PATL2: variants seen among roughly 807,000 people sequenced by gnomAD.
PATL2 encodes the protein PAT1 homolog 2.
Under a neutral mutation model 77.0 loss-of-function variants are expected in PATL2, and 73 were observed. The observed-to-expected ratio is 0.95, with a 90% confidence interval of 0.78 to 1.15. PATL2 has a LOEUF of 1.15. PATL2 is among the 50% of genes most tolerant of loss of function. The pLI is 0.00. For missense variants in PATL2, 618 were observed against 655.4 expected, an observed-to-expected ratio of 0.94 and a Z score of 0.62; for synonymous variants, 265 against 257.1, an observed-to-expected ratio of 1.03 and a Z score of -0.29.
intron 3 of PATL2, among the ~76,000 whole-genome samples, chr15:44,696,802 A>G (rs2141255731): frequency 6.6e-6 from 1 of 152,294 alleles, no homozygotes; most frequent in East Asian, 1.9e-4. Flanking sequence ...AAATCTGAAA[A>G]GTCAGTCAGG....
intron 8 of PATL2, 68 bp downstream of exon 8, chr15:44,672,320 C>G (rs2085728300): frequency 6.5e-7 from 1 of 1,527,920 alleles, no homozygotes; most frequent in Admixed American, 2.0e-5. Flanking sequence ...AGGGAGACAA[C>G]TGGTCACAAG....
chr15:44,698,718 C>A lies in PATL2; in HGVS notation c.-76+11378G>T, dbSNP rs539185392. Among the ~76,000 whole-genome samples the A allele has an allele frequency of 1.3e-5, 2 of 152,332 alleles. 1 individual carries two copies. The highest frequency in any genetic ancestry group is 4.1e-4 in the South Asian group (2 of 4,830). On this transcript the variant is annotated intron_variant, in intron 3 of 17. Transcript: ENST00000682850. ...GCAATAAACATGAAAATGCAGATATCTCTTTGATATACTGATTTTCTTTCT... is the reference window on the plus strand; with the variant it reads ...GCAATAAACATGAAAATGCAGATATATCTTTGATATACTGATTTTCTTTCT...
intron 5 of PATL2, 125 bp from the exon 6 acceptor site, chr15:44,674,355 G>A: frequency 2.8e-6 from 2 of 709,064 alleles, no homozygotes; most frequent in Non-Finnish European, 4.7e-6. Context: ...CAGGGCAGTG[G>A]CAGCTTGGCC....
At chr15:44,709,142 G>T (rs192605017) in intron 3 of PATL2, among the ~76,000 whole-genome samples, 17 of 152,138 alleles carry the variant, frequency 1.1e-4, no homozygotes, top group Admixed American at 9.8e-4. Context: ...CAAGTGATCT[G>T]CCCGCCTTGA....
At position 44,675,588 on chromosome 15, in the gene PATL2, CTCCTCT is replaced by C. The variant is rs1355459314; in HGVS notation, c.114_119del (p.Glu40_Glu41del). ...CTGGGTCCAGATCCTCCTCGTCCTCCTCCTCTTCCTCCTCCTCCCCTTCATTCTCTT... is the reference window on the plus strand; with the variant it reads ...CTGGGTCCAGATCCTCCTCGTCCTCCTCCTCCTCCTCCCCTTCATTCTCTT... On this transcript the variant is annotated inframe_deletion, in exon 5 of 18. Transcript: ENST00000682850. 7.7e-6 allele frequency: 12 copies of C among 1,551,794 alleles called. No individual in the cohort carries two copies. Among genetic ancestry groups the C allele is most frequent in the Middle Eastern group, 3.3e-4 (2 of 5,996 alleles).
At chr15:44,680,068 C>T (rs2086099144) in intron 3 of PATL2, among the ~76,000 whole-genome samples, 1 of 152,168 alleles carries the variant, frequency 6.6e-6, no homozygotes. Flanking sequence ...CCTCCTCTTG[C>T]CCCTGAGGTC....
chr15:44,707,265 C>T (rs1383536770), intron 3 of PATL2, among the ~76,000 whole-genome samples: 1 of 152,008 alleles, frequency 6.6e-6, no homozygotes, highest in Non-Finnish European at 1.5e-5. Flanking sequence ...GCCAAGTCCC[C>T]TTTACTCTTT....
At chr15:44,668,272 C>T (rs1298426052) in intron 15 of PATL2, 70 bp downstream of exon 15, 1 of 1,475,888 alleles carries the variant, frequency 6.8e-7, no homozygotes, top group African/African-American at 1.4e-5. Context: ...AGACTGTCCC[C>T]CAACTTACCC....
intron 3 of PATL2, among the ~76,000 whole-genome samples, chr15:44,690,111 C>T (rs2086355507): frequency 1.3e-5 from 2 of 152,112 alleles, no homozygotes; most frequent in African/African-American, 4.8e-5. Context: ...ATCGCTTGAA[C>T]ATGGGAGGCG....
intron 11 of PATL2, 83 bp downstream of exon 11, chr15:44,669,694 C>T (rs1365266983): frequency 3.1e-5 from 47 of 1,509,738 alleles, no homozygotes; most frequent in East Asian, 7.4e-5. Flanking sequence ...CCTCCTTCTT[C>T]GGTCACAGTC....
At position 44,669,052 on chromosome 15, in the gene PATL2, A is replaced by C. The variant is rs768383292; in HGVS notation, c.1152T>G (p.Asp384Glu). ...TAGCCAAAAGAATGGTAACAGCCTGATCCTGGGGCAGGAAGGGGAGCAGCC... is the reference window on the plus strand; with the variant it reads ...TAGCCAAAAGAATGGTAACAGCCTGCTCCTGGGGCAGGAAGGGGAGCAGCC... ...VARLLPFLPQ[D>E]QAVTILLAIT... Residue 384 changes from aspartate to glutamate, a missense_variant, in exon 14 of 18, where the codon GAT becomes GAG. By Grantham distance (45) the Asp-to-Glu change is conservative (BLOSUM62 2). Coordinates refer to ENST00000682850, the MANE Select transcript of PATL2 (RefSeq NM_001387263.1). The C allele has an allele frequency of 1.3e-6, 2 of 1,551,296 alleles. No homozygotes were observed. The highest frequency in any genetic ancestry group is 2.4e-5 in the South Asian group (2 of 83,974).
chr15:44,685,254 C>T (rs767714702), intron 3 of PATL2, among the ~76,000 whole-genome samples: 3 of 152,138 alleles, frequency 2.0e-5, no homozygotes, highest in Admixed American at 6.6e-5. Context: ...ACAATATTAA[C>T]CTTAAATGTA....
chr15:44,683,791 C>G (rs1047282570), intron 3 of PATL2, among the ~76,000 whole-genome samples: 9 of 152,328 alleles, frequency 5.9e-5, no homozygotes, highest in African/African-American at 1.9e-4. Context: ...CCCCATGCCT[C>G]CTGACTGGGA....
chr15:44,666,591 G>C, intron 16 of PATL2, 50 bp from the exon 17 acceptor site: 1 of 1,449,268 alleles, frequency 6.9e-7, no homozygotes, highest in Non-Finnish European at 9.1e-7. Context: ...TTAAGAAACA[G>C]ACTCAGGGCC....
intron 8 of PATL2, 111 bp downstream of exon 8, chr15:44,672,277 T>C (rs776994341): frequency 6.6e-7 from 1 of 1,526,716 alleles, no homozygotes; most frequent in South Asian, 1.2e-5. Context: ...TGGGCAACAG[T>C]ATGAGAGTTT....
intron 3 of PATL2, among the ~76,000 whole-genome samples, chr15:44,692,115 A>G (rs1274884398): frequency 6.6e-6 from 1 of 152,242 alleles, no homozygotes; most frequent in Non-Finnish European, 1.5e-5. Context: ...ATAAACGGTT[A>G]AATAAAAAGC....
In PATL2 at chr15:44,675,715, G is replaced by A. The variant is rs865930470; in HGVS notation, c.17-24C>T. ...CCCTTGGTTTAAGTGTGGGCCAGAG[G>A]AGAAGGTAAGATGGGGCTCAGCTGT... is the stretch of plus-strand genomic sequence containing the variant. On this transcript the variant is annotated intron_variant, in intron 4 of 17. Coordinates refer to ENST00000682850, the MANE Select transcript of PATL2 (RefSeq NM_001387263.1). The A allele has an allele frequency of 9.2e-6, 14 of 1,527,996 alleles. No homozygotes were observed. The Middle Eastern group carries it at 6.8e-4, about 75-fold the overall frequency. The allele number at this position is 1,527,996 out of a possible 1,614,324, so 94.7% of individuals were successfully genotyped here.
chr15:44,695,059 G>A (rs1353695415), intron 3 of PATL2, among the ~76,000 whole-genome samples: 1 of 152,014 alleles, frequency 6.6e-6, no homozygotes, highest in Non-Finnish European at 1.5e-5. Context: ...GTGGTGGCAC[G>A]TGCCTGTAGT....
chr15:44,680,028 C>T (rs1441550887), intron 3 of PATL2, among the ~76,000 whole-genome samples: 2 of 152,132 alleles, frequency 1.3e-5, no homozygotes, highest in East Asian at 3.9e-4. Flanking sequence ...CCTAAATTAC[C>T]CCAATTCCCT....
Sources: gnomAD v4.1 joint callset for allele counts (sites outside exome capture counted in the v4.1 genomes callset) on GRCh38, gnomAD v4.1.1 for gene constraint, MANE v1.5 for transcripts, NCBI Gene and HGNC (gene_info 2026-07-23, HGNC 2026-07-21) for gene names.